Variants in CTPS1 observed in about 807,000 individuals in gnomAD.
CTPS1 encodes CTP synthase 1, also known as CTP synthetase 1.
CTPS1 carries 25 observed loss-of-function variants against 80.5 expected under a neutral mutation model. The observed-to-expected ratio is 0.31, with a 90% CI of 0.23 to 0.43. The LOEUF is 0.43. CTPS1 is among the 20% of genes least tolerant of loss of function. The probability of loss-of-function intolerance (pLI) is 1.00; values close to 1 mark genes in which losing one functional copy is unlikely to be tolerated. For missense variants in CTPS1, 442 were observed against 725.7 expected, an observed-to-expected ratio of 0.61 and a Z score of 4.49; for synonymous variants, 267 against 252.5, an observed-to-expected ratio of 1.06 and a Z score of -0.54.
intron 16 of CTPS1, 38 bp downstream of exon 16, chr1:41,008,928 GTAAAGTTT>G: frequency 6.6e-7 from 1 of 1,507,246 alleles, no homozygotes; most frequent in Non-Finnish European, 9.2e-7. Flanking sequence ...GGAAAACTTA[GTAAAGTTT>G]TCTTGGCATA....
intron 13 of CTPS1, among the ~76,000 whole-genome samples, chr1:41,006,595 G>A (rs1333015862): frequency 6.6e-6 from 1 of 152,184 alleles, no homozygotes; most frequent in Non-Finnish European, 1.5e-5. Context: ...ATTTCATGCC[G>A]AGGGCATGTG....
intron 7 of CTPS1, among the ~76,000 whole-genome samples, chr1:40,994,230 T>G (rs752590476): frequency 1.3e-4 from 20 of 152,170 alleles, no homozygotes; most frequent in Non-Finnish European, 2.6e-4. Context: ...CTTGTAAAAG[T>G]TAGTTTTAGG....
rs149904005 is a variant in CTPS1 at position 41,012,011 on chromosome 1, C to T, written c.*363C>T. On this transcript the variant is annotated 3_prime_UTR_variant, in exon 19 of 19. Transcript: ENST00000650070. ...GTCGCTTTCCCTTGGATACCTAGAC[C>T]GTTATAAAGTGTGCCACATGGACTT... 2.4e-4 allele frequency: 37 copies of T among 152,256 alleles called. No homozygotes were observed. The highest frequency in any genetic ancestry group is 8.4e-4 in the African/African-American group (35 of 41,556). The allele number at this position is 152,256 out of a possible 1,614,324, so 9.4% of individuals were successfully genotyped here. A position where few individuals can be genotyped will look rare whatever the true frequency, so the allele number is the denominator to read the frequency against.
At chr1:40,981,267 C>T (rs150800904) in intron 1 of CTPS1, 1 of 152,182 alleles carries the variant, frequency 6.6e-6, no homozygotes, top group Non-Finnish European at 1.5e-5. Flanking sequence ...GAATGAGCCT[C>T]CCGCCTGATC....
At chr1:40,985,702 G>C (rs919432300) in intron 3 of CTPS1, among the ~76,000 whole-genome samples, 4 of 152,120 alleles carry the variant, frequency 2.6e-5, no homozygotes, top group Non-Finnish European at 4.4e-5. Flanking sequence ...TGGCCTGAAA[G>C]CTGAGGGTCA....
intron 16 of CTPS1, among the ~76,000 whole-genome samples, 182 bp from the exon 17 acceptor site, chr1:41,009,263 G>A (rs1381973123): frequency 6.6e-6 from 1 of 152,206 alleles, no homozygotes; most frequent in Non-Finnish European, 1.5e-5. Flanking sequence ...AGCACAAACC[G>A]TGCTGAGAAA....
At position 40,984,905 on chromosome 1, in the gene CTPS1, A is replaced by G. The variant is rs1462856637; in HGVS notation, c.251A>G (p.Lys84Arg). 1.2e-6 allele frequency: 2 copies of G among 1,607,094 alleles called. No homozygotes were observed. Among genetic ancestry groups the G allele is most frequent in the African/African-American group, 2.7e-5 (2 of 74,846 alleles). Residue 84 changes from lysine (K) to arginine (R), a missense_variant, in exon 3 of 19, where the codon AAG becomes AGG. By Grantham distance (26) the Lys-to-Arg change is conservative. Transcript: ENST00000650070. The stretch of plus-strand genomic sequence containing the variant: ...CGGTTCCTTGACATCCGCCTCACCA[A>G]GGACAATAATCTGACCACTGGAAAG... ...YERFLDIRLT[K>R]DNNLTTGKIY...
chr1:40,995,337 G>C (rs759642067), intron 7 of CTPS1, among the ~76,000 whole-genome samples: 2 of 151,646 alleles, frequency 1.3e-5, no homozygotes, highest in Admixed American at 6.6e-5. Flanking sequence ...TCCCACCTCA[G>C]CCTCCCGAGT....
chr1:41,009,715 A>G, intron 17 of CTPS1, 126 bp downstream of exon 17: 3 of 1,135,342 alleles, frequency 2.6e-6, no homozygotes, highest in Non-Finnish European at 3.7e-6. Flanking sequence ...CTGGGGTGAA[A>G]GTTTCCTCTC....
At chr1:40,998,286 T>C (rs937364929) in intron 9 of CTPS1, among the ~76,000 whole-genome samples, 4 of 151,040 alleles carry the variant, frequency 2.6e-5, no homozygotes, top group Non-Finnish European at 4.4e-5. Flanking sequence ...TAGTCCTAGC[T>C]ACTTGGGAGG....
chr1:40,997,335 G>T (rs1642779739), intron 8 of CTPS1, 59 bp from the exon 9 acceptor site: 2 of 1,553,972 alleles, frequency 1.3e-6, no homozygotes, highest in Non-Finnish European at 8.7e-7. Context: ...AGCTATTTTG[G>T]TCTCATGATA....
intron 5 of CTPS1, 74 bp downstream of exon 5, chr1:40,988,784 C>A: frequency 1.0e-6 from 1 of 975,662 alleles, no homozygotes; most frequent in Non-Finnish European, 1.6e-6. Context: ...GAATGATTTT[C>A]ACTCATTGTC....
At chr1:40,991,979 G>A (rs770434293) in intron 7 of CTPS1, 134 bp downstream of exon 7, 3 of 684,482 alleles carry the variant, frequency 4.4e-6, no homozygotes, top group East Asian at 5.5e-5. Flanking sequence ...CATTGCCATC[G>A]GCCATTCCCT....
chr1:40,999,345 C>A (rs747143002), intron 9 of CTPS1, among the ~76,000 whole-genome samples: 1 of 152,136 alleles, frequency 6.6e-6, no homozygotes, highest in Non-Finnish European at 1.5e-5. Flanking sequence ...GGGTCTTACC[C>A]TGAGGTTCAG....
At chr1:41,008,630 C>G (rs755971293) in intron 14 of CTPS1, 29 bp from the exon 15 acceptor site, 5 of 1,612,790 alleles carry the variant, frequency 3.1e-6, no homozygotes, top group Non-Finnish European at 4.2e-6. Flanking sequence ...AGATAAAGTT[C>G]TTTACATACA....
At chr1:40,984,526 T>A (rs1025589766) in intron 2 of CTPS1, among the ~76,000 whole-genome samples, 3 of 152,230 alleles carry the variant, frequency 2.0e-5, no homozygotes, top group African/African-American at 7.2e-5. Flanking sequence ...TGTATACTAC[T>A]GTAAAGTCCT....
Position 41,007,376 on chromosome 1 carries a change from A to T in CTPS1, c.1297-73A>T. The T allele has an allele frequency of 2.3e-6, 3 of 1,295,156 alleles. No individual in the cohort carries two copies. Among genetic ancestry groups the T allele is most frequent in the Non-Finnish European group, 3.3e-6 (3 of 897,578 alleles). The allele number at this position is 1,295,156 out of a possible 1,614,324, so 80.2% of individuals were successfully genotyped here. Reference sequence around the variant, plus strand: ...GCTTACTTACAAGCCTTTGCCACCCACTCAGCGAGGGAGGTTTCTCTCTAG... The same window carrying T: ...GCTTACTTACAAGCCTTTGCCACCCTCTCAGCGAGGGAGGTTTCTCTCTAG... On this transcript the variant is annotated intron_variant, in intron 13 of 18. Transcript: ENST00000650070. This position sits in a 1 kb window ranked among gnomAD's most constrained non-coding sequence, Gnocchi z 4.4.
At chr1:41,010,355 C>T (rs1026365453) in intron 18 of CTPS1, 101 bp downstream of exon 18, 6 of 798,390 alleles carry the variant, frequency 7.5e-6, no homozygotes, top group African/African-American at 1.7e-5. Context: ...TTTTATCTGC[C>T]AGGAATGAAA....
chr1:40,981,370 T>TA (rs1307171266), intron 1 of CTPS1: 5 of 152,176 alleles, frequency 3.3e-5, no homozygotes, highest in Admixed American at 2.0e-4. Context: ...GTTAAACTCT[T>TA]AGAGTAAAAT....
Sources: gnomAD v4.1 joint callset for allele counts (sites outside exome capture counted in the v4.1 genomes callset) on GRCh38, gnomAD v4.1.1 for gene constraint, Gnocchi (gnomAD v3.1) non-coding constraint, MANE v1.5 for transcripts, NCBI Gene and HGNC (gene_info 2026-07-23, HGNC 2026-07-21) for gene names.